MYH4: variants seen among roughly 807,000 people sequenced by gnomAD.
MYH4 encodes the protein myosin heavy chain 4, also known as myosin-4.
Under a neutral mutation model 229.9 loss-of-function variants are expected in MYH4, and 200 were observed. That is an observed-to-expected ratio of 0.87 (90% CI 0.78 to 0.98). The LOEUF is 0.98. Among genes scored for constraint, MYH4 ranks in the 50% least tolerant of loss-of-function variants. The pLI, the probability that MYH4 is intolerant of heterozygous loss-of-function variation, is 0.00. For missense variants in MYH4, 2,148 were observed against 2,332.6 expected (o/e 0.92, Z 1.63); for synonymous variants, 761 against 834.6 (o/e 0.91, Z 1.52).
intron 8 of MYH4, 34 bp downstream of exon 8, chr17:10,463,517 T>C: frequency 1.3e-6 from 2 of 1,592,976 alleles, no homozygotes. Context: ...GAATCAGTGC[T>C]GATCCTCAAG....
intron 34 of MYH4, 37 bp from the exon 35 acceptor site, chr17:10,447,253 C>T (rs750588385): frequency 2.0e-5 from 32 of 1,584,224 alleles, no homozygotes; most frequent in Non-Finnish European, 2.5e-5. Flanking sequence ...ACTCATGCTG[C>T]ACTTAAAGCA....
chr17:10,444,594 A>G lies in MYH4; in HGVS notation c.5667+10T>C. ...TCTGAACCTTTCATTTCCACTGTGGAGATACTCACAGCCTCTTCAGCTTGT... is the reference window on the plus strand; with the variant it reads ...TCTGAACCTTTCATTTCCACTGTGGGGATACTCACAGCCTCTTCAGCTTGT... On this transcript the variant is annotated intron_variant, in intron 39 of 39. Coordinates refer to ENST00000255381, the MANE Select transcript of MYH4 (RefSeq NM_017533.2). 1 of 1,609,688 alleles carries G rather than the reference A, an allele frequency of 6.2e-7. No individual in the cohort carries two copies. The highest frequency in any genetic ancestry group is 1.1e-5 in the South Asian group (1 of 90,892).
Position 10,460,236 on chromosome 17 carries a change from A to G in MYH4, c.1233T>C (p.Asn411=). 6.2e-7 allele frequency: 1 copy of G among 1,614,122 alleles called. No individual in the cohort carries two copies. Among genetic ancestry groups the G allele is most frequent in the Non-Finnish European group, 8.5e-7 (1 of 1,179,952 alleles). ...SLCYPRVKVG[N]EFVTKGQTVQ... is the part of the protein sequence containing the mutation. ...CAGTCTGGCCTTTGGTTACGAACTCATTGCCGACCTTGACTCTGGGATAGC... is the reference window on the plus strand; with the variant it reads ...CAGTCTGGCCTTTGGTTACGAACTCGTTGCCGACCTTGACTCTGGGATAGC... The change falls in exon 13 of 40, where the codon AAT becomes AAC. Residue 411 remains asparagine, a synonymous_variant. Coordinates refer to ENST00000255381, the MANE Select transcript of MYH4 (RefSeq NM_017533.2).
At position 10,459,988 on chromosome 17, in the gene MYH4, G is replaced by A. The variant is rs149736701; in HGVS notation, c.1380C>T (p.Ile460=). ...CAAAGCCAGCAATGTCCAAGACCCC[G>A]ATGAAGTACTGCCTGGGCTGCTTGG... ...LDTKQPRQYF[I]GVLDIAGFEI... is the part of the protein sequence containing the mutation. Residue 460 remains isoleucine, a synonymous_variant, in exon 14 of 40, where the codon ATC becomes ATT. Coordinates refer to ENST00000255381, the MANE Select transcript of MYH4 (RefSeq NM_017533.2). The A allele has an allele frequency of 2.0e-4, 318 of 1,613,906 alleles. No individual in the cohort carries two copies. The highest frequency in any genetic ancestry group is 2.6e-4 in the Non-Finnish European group (303 of 1,179,954).
rs2072751157 is a variant in MYH4, at chr17:10,465,435, C to G, written c.505+7G>C. The G allele has an allele frequency of 6.2e-7, 1 of 1,613,290 alleles. No individual in the cohort carries two copies. The highest frequency in any genetic ancestry group is 1.3e-5 in the African/African-American group (1 of 75,004). On this transcript the variant is annotated splice_region_variant and intron_variant, in intron 5 of 39. Coordinates refer to ENST00000255381, the MANE Select transcript of MYH4 (RefSeq NM_017533.2). The stretch of plus-strand genomic sequence containing the variant: ...AAATGGCTATGGAAATTGTAATTCT[C>G]ACTCACCAGTTAGCATGAACTGATA...
At chr17:10,467,945 C>T (rs1177763244) in intron 2 of MYH4, among the ~76,000 whole-genome samples, 1 of 152,182 alleles carries the variant, frequency 6.6e-6, no homozygotes, top group Non-Finnish European at 1.5e-5. Flanking sequence ...GCAATAGCCA[C>T]CACCTTCTGT....
chr17:10,466,223 C>T, intron 4 of MYH4, 50 bp downstream of exon 4: 1 of 1,596,104 alleles, frequency 6.3e-7, no homozygotes, highest in Non-Finnish European at 8.5e-7. Context: ...TTTTAGCTAA[C>T]ATGTGTAGAA....
rs2046135177 is a variant in MYH4 at position 10,453,147 on chromosome 17, C to T, written c.3111+5G>A. The T allele has an allele frequency of 1.2e-6, 2 of 1,614,110 alleles. No individual in the cohort carries two copies. The highest frequency in any genetic ancestry group is 1.7e-6 in the Non-Finnish European group (2 of 1,180,000). On this transcript the variant is annotated splice_donor_5th_base_variant and intron_variant, in intron 24 of 39. Transcript: ENST00000255381. The stretch of plus-strand genomic sequence containing the variant: ...AAGGGGAAACATTTTCTTTTTCACA[C>T]TTACATCGTCCACTTGCTGTTCTAG...
At position 10,453,735 on chromosome 17, in the gene MYH4, C is replaced by T. The variant is rs773406905; in HGVS notation, c.2842G>A (p.Glu948Lys). The T allele has an allele frequency of 1.2e-6, 2 of 1,614,104 alleles. No homozygotes were observed. Among genetic ancestry groups the T allele is most frequent in the East Asian group, 4.5e-5 (2 of 44,876 alleles). ...TTCTTGAGCTCTGAACATTCATCCT[C>T]CAGTTTCCTCTTCTTGGCTGTCAGC... ...AELTAKKRKL[E>K]DECSELKKDI... The change falls in exon 23 of 40, where the codon GAG becomes AAG. Residue 948 changes from glutamate to lysine, a missense_variant. Physicochemically the swap from Glu to Lys is moderately conservative, Grantham distance 56. Coordinates refer to ENST00000255381, the MANE Select transcript of MYH4 (RefSeq NM_017533.2).
At position 10,445,501 on chromosome 17, in the gene MYH4, A is replaced by G; in HGVS notation, c.5170-139T>C. On this transcript the variant is annotated intron_variant, in intron 35 of 39. Transcript: ENST00000255381. Reference sequence around the variant, plus strand: ...AAAAACCAAATTAGAAGATAATTCTAAGTTTATGCCTTTTCTCCTTTCTAT... The same window carrying G: ...AAAAACCAAATTAGAAGATAATTCTGAGTTTATGCCTTTTCTCCTTTCTAT... 6 of 1,164,872 alleles carry G rather than the reference A, an allele frequency of 5.2e-6. No individual in the cohort carries two copies. The Admixed American group carries it at 1.2e-4, about 23-fold the overall frequency. The allele number at this position is 1,164,872 out of a possible 1,614,324, so 72.2% of individuals were successfully genotyped here.
chr17:10,452,439 G>C lies in MYH4; in HGVS notation c.3325C>G (p.Gln1109Glu). ...EDEQALAIQL[Q>E]KKIKELQARI... is the part of the protein sequence containing the mutation. Reference sequence around the variant, plus strand: ...ACCTGTAATTCTTTGATCTTCTTTTGTAGCTGTATTGCAAGGGCTTGTTCA... The same window carrying C: ...ACCTGTAATTCTTTGATCTTCTTTTCTAGCTGTATTGCAAGGGCTTGTTCA... The change falls in exon 26 of 40, where the codon CAA (glutamine) becomes GAA (glutamate). Residue 1109 changes from glutamine (Q) to glutamate (E), a missense_variant. Transcript: ENST00000255381. 6.2e-7 allele frequency: 1 copy of C among 1,614,094 alleles called. No individual in the cohort carries two copies. The highest frequency in any genetic ancestry group is 8.5e-7 in the Non-Finnish European group (1 of 1,180,014).
intron 11 of MYH4, 97 bp downstream of exon 11, chr17:10,462,768 T>C (rs2072716180): frequency 3.0e-6 from 3 of 997,158 alleles, no homozygotes; most frequent in Admixed American, 2.7e-5. Flanking sequence ...TATTACCTAT[T>C]TATAGTCTTT....
chr17:10,460,536 G>A (rs1167520033), intron 12 of MYH4, among the ~76,000 whole-genome samples: 3 of 152,170 alleles, frequency 2.0e-5, no homozygotes, highest in Admixed American at 6.5e-5. Flanking sequence ...TTGGGGAATC[G>A]ATGCTGTCTG....
intron 27 of MYH4, 132 bp downstream of exon 27, chr17:10,451,809 T>C (rs2072576549): frequency 8.8e-7 from 1 of 1,132,122 alleles, no homozygotes; most frequent in East Asian, 2.4e-5. Flanking sequence ...TACAATAATG[T>C]GTACTAGGAG....
Position 10,451,286 on chromosome 17 carries a change from TC to T in MYH4, c.3865+39del, listed in dbSNP as rs746119299. 4 of 1,605,542 alleles carry T rather than the reference TC, an allele frequency of 2.5e-6. No homozygotes were observed. In the Admixed American group the frequency reaches 5.1e-5, roughly 21 times the overall value. Reference sequence around the variant, plus strand: ...AGGTAGGTAAAGGCTTGTCTTTCATTCGTCACCTCTCCGAAGGTTGATGCTA... The same window carrying T: ...AGGTAGGTAAAGGCTTGTCTTTCATTGTCACCTCTCCGAAGGTTGATGCTA... On this transcript the variant is annotated intron_variant, in intron 28 of 39. Coordinates refer to ENST00000255381, the MANE Select transcript of MYH4 (RefSeq NM_017533.2).
chr17:10,465,557 C>T lies in MYH4; in HGVS notation c.390G>A (p.Lys130=). 1 of 1,614,116 alleles carries T rather than the reference C, an allele frequency of 6.2e-7. No homozygotes were observed. The highest frequency in any genetic ancestry group is 8.5e-7 in the Non-Finnish European group (1 of 1,180,024). The change falls in exon 5 of 40, where the codon AAG becomes AAA. Residue 130 remains lysine, a synonymous_variant. Coordinates refer to ENST00000255381, the MANE Select transcript of MYH4 (RefSeq NM_017533.2). ...GLFCVTVNPY[K]WLPVYNPEVV... The stretch of plus-strand genomic sequence containing the variant: ...CCTCAGGGTTGTACACCGGCAGCCA[C>T]TTGTAGGGGTTGACGGTGACACAGA...
At chr17:10,460,165 G>A (rs747109149) in intron 13 of MYH4, 38 bp downstream of exon 13, 1 of 1,612,844 alleles carries the variant, frequency 6.2e-7, no homozygotes, top group Non-Finnish European at 8.5e-7. Flanking sequence ...TGAGTCACTT[G>A]CGGTTCAAAT....
At chr17:10,444,492 C>A (rs565796206) in intron 39 of MYH4, 112 bp downstream of exon 39, 8 of 735,854 alleles carry the variant, frequency 1.1e-5, no homozygotes, top group African/African-American at 1.8e-5. Context: ...CATGTTCATA[C>A]CTAATTATGT....
rs1171340342 is a variant in MYH4, at chr17:10,464,489, C to T, written c.631G>A (p.Ala211Thr). ...VTGEKKKEEP[A>T]SGKMQGTLED... ...ATGCCCACCTGCATTTTGCCAGAGG[C>T]AGGTTCCTCTTTTTTCTTCTCTCCA... The change falls in exon 7 of 40, where the codon GCC (alanine) becomes ACC (threonine). Residue 211 changes from alanine to threonine, a missense_variant. Physicochemically the swap from Ala to Thr is moderately conservative, Grantham distance 58 (BLOSUM62 0). Transcript: ENST00000255381. 3.1e-6 allele frequency: 5 copies of T among 1,613,340 alleles called. No individual in the cohort carries two copies. Among genetic ancestry groups the T allele is most frequent in the Non-Finnish European group, 2.5e-6 (3 of 1,179,844 alleles).
Sources: allele counts gnomAD v4.1 joint callset (sites outside exome capture counted in the v4.1 genomes callset), GRCh38; gene constraint gnomAD v4.1.1; transcripts MANE v1.5; gene names NCBI Gene and HGNC (gene_info 2026-07-23, HGNC 2026-07-21).